Variants in SPHKAP observed in about 807,000 individuals in gnomAD.
SPHKAP encodes the protein SPHK1 interactor, AKAP domain containing, also known as A-kinase anchor protein SPHKAP.
SPHKAP carries 67 observed loss-of-function variants against 137.5 expected under a neutral mutation model. That is an observed-to-expected ratio of 0.49 (90% CI 0.40 to 0.60). SPHKAP has a LOEUF of 0.60. Among genes scored for constraint, SPHKAP ranks in the 20% least tolerant of loss-of-function variants. The pLI is 0.00. For missense variants in SPHKAP, 2,097 were observed against 2,069.3 expected (o/e 1.01, Z -0.26); for synonymous variants, 813 against 785.3 (o/e 1.04, Z -0.59).
intron 2 of SPHKAP, among the ~76,000 whole-genome samples, chr2:228,109,692 G>A (rs12990720): frequency 0.11 from 16,364 of 152,102 alleles, 1,108 homozygotes; most frequent in East Asian, 0.18. Context: ...TTGGCTGGGC[G>A]TGGTGGGTTA....
In SPHKAP at chr2:228,120,072, G is replaced by A. The variant is rs927096807; in HGVS notation, c.139-11133C>T. ...AGCTCTTGGAACAAAATGATTCTCC[G>A]TTATCAAGAAGAATTTACCAGATCA... On this transcript the variant is annotated intron_variant, in intron 2 of 11. Coordinates refer to ENST00000392056, the MANE Select transcript of SPHKAP (RefSeq NM_001142644.2). 5.3e-5 allele frequency among the ~76,000 whole-genome samples: 8 copies of A among 152,060 alleles called. No individual in the cohort carries two copies. In the South Asian group the frequency reaches 1.0e-3, roughly 20 times the overall value.
At chr2:228,041,605 T>A (rs928582816) in intron 3 of SPHKAP, among the ~76,000 whole-genome samples, 1 of 143,138 alleles carries the variant, frequency 7.0e-6, no homozygotes, top group African/African-American at 2.7e-5. Context: ...AGAGATCGTG[T>A]CACTGCTCTC....
In SPHKAP at chr2:228,055,142, C is replaced by CAAAAAAAAAAAAAA. The variant is rs58091970; in HGVS notation, c.247-27613_247-27600dup. Among the ~76,000 whole-genome samples, 193 of 61,002 alleles carry CAAAAAAAAAAAAAA rather than the reference C, an allele frequency of 3.2e-3. 7 individuals carry two copies. Among genetic ancestry groups the CAAAAAAAAAAAAAA allele is most frequent in the Non-Finnish European group, 4.7e-3 (141 of 29,836 alleles). 40.0% of individuals were successfully genotyped at this position (61,002 alleles called of 152,430 possible). A position where few individuals can be genotyped will look rare whatever the true frequency, so the allele number is the denominator to read the frequency against. ...GGGCAAAAAGAGTGAAACTCCACTCCAAAAAAAAAAAAAAAAAGTGGTTTG... is the reference window on the plus strand; with the variant it reads ...GGGCAAAAAGAGTGAAACTCCACTCCAAAAAAAAAAAAAAAAAAAAAAAAAAAAAAAGTGGTTTG... On this transcript the variant is annotated intron_variant, in intron 3 of 11. Transcript: ENST00000392056.
At chr2:228,042,042 A>G (rs950356394) in intron 3 of SPHKAP, among the ~76,000 whole-genome samples, 1 of 152,158 alleles carries the variant, frequency 6.6e-6, no homozygotes, top group Admixed American at 6.5e-5. Flanking sequence ...TAAAGGGCCC[A>G]AGTAGGAGAG....
chr2:228,036,225 T>C (rs1276243274), intron 3 of SPHKAP, among the ~76,000 whole-genome samples: 1 of 151,228 alleles, frequency 6.6e-6, no homozygotes, highest in South Asian at 2.1e-4. Flanking sequence ...GGGCAAAGGA[T>C]ATGAACAGAC....
Position 228,066,449 on chromosome 2 carries a change from C to A in SPHKAP, c.247-38906G>T, listed in dbSNP as rs116302500. Among the ~76,000 whole-genome samples, 979 of 152,300 alleles carry A rather than the reference C, an allele frequency of 6.4e-3. 3 individuals carry two copies. Among genetic ancestry groups the A allele is most frequent in the Non-Finnish European group, 0.01 (711 of 68,022 alleles). On this transcript the variant is annotated intron_variant, in intron 3 of 11. Transcript: ENST00000392056. ...ACCTTGACACAAGGTAATTCATTTT[C>A]TAGAAAATGGTAATTTGTGCCTATT... is the stretch of plus-strand genomic sequence containing the variant.
chr2:227,994,560 G>A (rs771652984), intron 8 of SPHKAP, among the ~76,000 whole-genome samples: 2 of 151,714 alleles, frequency 1.3e-5, no homozygotes, highest in African/African-American at 2.4e-5. Context: ...TACTCTAAAA[G>A]TAGAAAATAT....
intron 7 of SPHKAP, among the ~76,000 whole-genome samples, chr2:228,006,511 T>A (rs1694141519): frequency 6.6e-6 from 1 of 152,222 alleles, no homozygotes; most frequent in South Asian, 2.1e-4. Flanking sequence ...CGGAGAAGTT[T>A]GATCGTCTGA....
intron 2 of SPHKAP, among the ~76,000 whole-genome samples, chr2:228,123,017 A>C (rs1423665984): frequency 6.6e-6 from 1 of 152,154 alleles, no homozygotes; most frequent in Non-Finnish European, 1.5e-5. Context: ...CTTGACTGCC[A>C]AAGGTATCTC....
At chr2:228,062,146 C>T (rs1696663024) in intron 3 of SPHKAP, among the ~76,000 whole-genome samples, 1 of 151,762 alleles carries the variant, frequency 6.6e-6, no homozygotes, top group Non-Finnish European at 1.5e-5. Context: ...AGGTCAACCA[C>T]TCCCCTGACC....
At chr2:228,063,212 T>C (rs75351219) in intron 3 of SPHKAP, among the ~76,000 whole-genome samples, 3 of 148,610 alleles carry the variant, frequency 2.0e-5, no homozygotes, top group African/African-American at 2.5e-5. Context: ...ATCTATCTAT[T>C]TACCTGTCTA....
chr2:228,021,746 A>G lies in SPHKAP; in HGVS notation c.662T>C (p.Leu221Ser). The change falls in exon 6 of 12, where the codon TTG becomes TCG. Residue 221 changes from leucine (L) to serine (S), a missense_variant. Transcript: ENST00000392056. ...EEDFLTASEHLEEESEVDESR... is the reference protein window; with the variant it reads ...EEDFLTASEHSEEESEVDESR... ...TTCATCCACCTCGCTTTCCTCCTCC[A>G]AGTGCTCAGAAGCGGTGAGAAAGTC... 1 of 1,613,990 alleles carries G rather than the reference A, an allele frequency of 6.2e-7. No individual in the cohort carries two copies. The highest frequency in any genetic ancestry group is 8.5e-7 in the Non-Finnish European group (1 of 1,179,954).
intron 3 of SPHKAP, among the ~76,000 whole-genome samples, chr2:228,065,693 C>T (rs571854479): frequency 4.9e-4 from 75 of 152,234 alleles, no homozygotes; most frequent in East Asian, 1.4e-3. Flanking sequence ...GTGTGGGCTG[C>T]GGAACTCCAG....
chr2:228,000,644 A>G (rs950790271), intron 7 of SPHKAP, among the ~76,000 whole-genome samples: 1 of 144,638 alleles, frequency 6.9e-6, no homozygotes, highest in Non-Finnish European at 1.5e-5. Flanking sequence ...AAAATAAAAT[A>G]AAATAAAATA....
Position 228,175,012 on chromosome 2 carries a change from TG to T in SPHKAP, c.32+6554del, listed in dbSNP as rs1356637633. ...GATAGGTCAATACAAATTATCCATC[TG>T]AAAAAAAAAAAAAAGGAAAAATAAA... On this transcript the variant is annotated intron_variant, in intron 1 of 11. Transcript: ENST00000392056. Among the ~76,000 whole-genome samples, 17 of 121,326 alleles carry T rather than the reference TG, an allele frequency of 1.4e-4. No homozygotes were observed. In the East Asian group the frequency reaches 4.0e-3, roughly 28 times the overall value. The allele number at this position is 121,326 out of a possible 152,430, so 79.6% of individuals were successfully genotyped here. A position where few individuals can be genotyped will look rare whatever the true frequency, so the allele number is the denominator to read the frequency against.
intron 7 of SPHKAP, among the ~76,000 whole-genome samples, chr2:228,006,502 G>A (rs553113860): frequency 3.3e-5 from 5 of 152,158 alleles, no homozygotes; most frequent in Admixed American, 1.3e-4. Flanking sequence ...CCTTTAGCTC[G>A]GAGAAGTTTG....
At chr2:228,027,138 G>A (rs186380199) in intron 4 of SPHKAP, among the ~76,000 whole-genome samples, 3 of 152,294 alleles carry the variant, frequency 2.0e-5, no homozygotes, top group Non-Finnish European at 4.4e-5. Context: ...TTTGATGAAA[G>A]CAGCAGGAAG....
chr2:228,015,629 A>C lies in SPHKAP; in HGVS notation c.4448+777T>G, dbSNP rs186477417. On this transcript the variant is annotated intron_variant, in intron 7 of 11. Transcript: ENST00000392056. ...TCAGAGAAATTATTACCTTGCGTCA[A>C]ATTCAAAATGGATTGTCAACTATGT... Among the ~76,000 whole-genome samples, 10 of 152,324 alleles carry C rather than the reference A, an allele frequency of 6.6e-5. No individual in the cohort carries two copies. The South Asian group carries it at 1.0e-3, about 16-fold the overall frequency.
chr2:228,008,140 C>T (rs974972206), intron 7 of SPHKAP, among the ~76,000 whole-genome samples: 5 of 152,034 alleles, frequency 3.3e-5, no homozygotes, highest in Admixed American at 2.0e-4. Context: ...TTCTCATTCT[C>T]TTGTCAGTGT....
Sources: gnomAD v4.1 joint callset for allele counts (sites outside exome capture counted in the v4.1 genomes callset) on GRCh38, gnomAD v4.1.1 for gene constraint, MANE v1.5 for transcripts, NCBI Gene and HGNC (gene_info 2026-07-23, HGNC 2026-07-21) for gene names.